Variants in CNBD1 observed in about 807,000 individuals in gnomAD.
CNBD1 encodes cyclic nucleotide binding domain containing 1.
In CNBD1, 71 loss-of-function variants were observed where a neutral mutation model predicts 54.4. The ratio of observed to expected loss-of-function variants is 1.30; its 90% CI spans 1.08 to 1.59. The LOEUF is 1.59. CNBD1 is among the 40% of genes most tolerant of loss of function. CNBD1 has a pLI of 0.00. For missense variants in CNBD1, 659 were observed against 518.0 expected, an observed-to-expected ratio of 1.27 and a Z score of -2.64; for synonymous variants, 182 against 170.7, an observed-to-expected ratio of 1.07 and a Z score of -0.51.
chr8:87,141,367 T>C (rs1812366057), intron 4 of CNBD1, among the ~76,000 whole-genome samples: 1 of 152,160 alleles, frequency 6.6e-6, no homozygotes, highest in Non-Finnish European at 1.5e-5. Context: ...GAAGAGACTG[T>C]GTAAACATAT....
At chr8:87,082,187 C>G (rs7813698) in intron 4 of CNBD1, among the ~76,000 whole-genome samples, 1,915 of 152,192 alleles carry the variant, frequency 0.013, 35 homozygotes, top group African/African-American at 0.039. Flanking sequence ...ATCAATCGAC[C>G]TTGTGACATT....
At chr8:87,364,789 A>G (rs954275978) in intron 10 of CNBD1, among the ~76,000 whole-genome samples, 1 of 152,038 alleles carries the variant, frequency 6.6e-6, no homozygotes, top group African/African-American at 2.4e-5. Flanking sequence ...AATGTCCCCC[A>G]GTTCCATCCA....
chr8:87,271,578 G>A (rs1278730536), intron 6 of CNBD1, among the ~76,000 whole-genome samples: 1 of 151,768 alleles, frequency 6.6e-6, no homozygotes, highest in Non-Finnish European at 1.5e-5. Flanking sequence ...TGTTAGAATG[G>A]CTTTTATAAA....
At chr8:87,228,054 T>C (rs1353027477) in intron 5 of CNBD1, among the ~76,000 whole-genome samples, 1 of 151,968 alleles carries the variant, frequency 6.6e-6, no homozygotes, top group Non-Finnish European at 1.5e-5. Context: ...GCTTCTGCAT[T>C]CTTCCCGTAG....
At chr8:86,933,734 T>C (rs1809497628) in intron 3 of CNBD1, among the ~76,000 whole-genome samples, 1 of 152,142 alleles carries the variant, frequency 6.6e-6, no homozygotes, top group African/African-American at 2.4e-5. Context: ...TGTTACTCTT[T>C]AACTTGCAAT....
intron 4 of CNBD1, among the ~76,000 whole-genome samples, chr8:87,158,627 C>T (rs1445841568): frequency 6.6e-6 from 1 of 152,078 alleles, no homozygotes; most frequent in Non-Finnish European, 1.5e-5. Flanking sequence ...GCAGTAGATA[C>T]CCCTCTGAGC....
At chr8:87,414,482 C>T (rs1041407289) in intron 2 of CNBD1, among the ~76,000 whole-genome samples, 2 of 151,910 alleles carry the variant, frequency 1.3e-5, no homozygotes, top group East Asian at 3.9e-4. Flanking sequence ...TGTAACAAAC[C>T]TGCACATTGT....
chr8:87,011,710 T>A (rs1809226879), intron 4 of CNBD1, among the ~76,000 whole-genome samples: 1 of 152,162 alleles, frequency 6.6e-6, no homozygotes, highest in Admixed American at 6.5e-5. Context: ...ATTTTCTTCT[T>A]TTCTACTTTA....
At chr8:86,954,911 G>A (rs963073488) in intron 4 of CNBD1, among the ~76,000 whole-genome samples, 1 of 152,018 alleles carries the variant, frequency 6.6e-6, no homozygotes, top group African/African-American at 2.4e-5. Flanking sequence ...GTATATATGT[G>A]CCATGTTGGT....
chr8:87,064,421 G>C (rs1251537959), intron 4 of CNBD1, among the ~76,000 whole-genome samples: 1 of 151,838 alleles, frequency 6.6e-6, no homozygotes, highest in African/African-American at 2.4e-5. Context: ...AATGCGAATT[G>C]ATACTTTTAT....
intron 4 of CNBD1, among the ~76,000 whole-genome samples, chr8:87,028,557 G>T (rs1418929217): frequency 6.6e-6 from 1 of 152,186 alleles, no homozygotes; most frequent in African/African-American, 2.4e-5. Flanking sequence ...GAAGAAAGGA[G>T]AACAGTCTCA....
At chr8:87,222,290 A>C (rs1375962884) in intron 5 of CNBD1, among the ~76,000 whole-genome samples, 1 of 151,826 alleles carries the variant, frequency 6.6e-6, no homozygotes. Flanking sequence ...TCATTAATTA[A>C]GCTTTCATTT....
intron 6 of CNBD1, among the ~76,000 whole-genome samples, chr8:87,249,353 C>T (rs1322284021): frequency 6.6e-6 from 1 of 152,120 alleles, no homozygotes; most frequent in African/African-American, 2.4e-5. Context: ...GCTTTTCCTG[C>T]TTGCCCATTG....
chr8:87,228,711 C>T (rs1486023384), intron 5 of CNBD1, among the ~76,000 whole-genome samples: 1 of 151,782 alleles, frequency 6.6e-6, no homozygotes, highest in Non-Finnish European at 1.5e-5. Flanking sequence ...TGTGCCCTGC[C>T]CCCAGAGGTG....
chr8:87,107,897 A>G (rs1212791665), intron 4 of CNBD1, among the ~76,000 whole-genome samples: 1 of 152,178 alleles, frequency 6.6e-6, no homozygotes, highest in Non-Finnish European at 1.5e-5. Flanking sequence ...GAATTCCCTT[A>G]AAGTCTACCT....
At chr8:86,868,963 T>A (rs921815413) in intron 1 of CNBD1, among the ~76,000 whole-genome samples, 1 of 148,542 alleles carries the variant, frequency 6.7e-6, no homozygotes. Context: ...CAGAATGATA[T>A]GTGAGAAAGA....
At chr8:86,871,324 A>G (rs1453705320) in intron 1 of CNBD1, among the ~76,000 whole-genome samples, 2 of 152,296 alleles carry the variant, frequency 1.3e-5, no homozygotes, top group African/African-American at 4.8e-5. Context: ...CATGTTACCA[A>G]TCCTTCAGAC....
intron 6 of CNBD1, among the ~76,000 whole-genome samples, chr8:87,261,318 C>T: frequency 6.6e-6 from 1 of 152,056 alleles, no homozygotes; most frequent in East Asian, 1.9e-4. Flanking sequence ...CTGCAGGTAC[C>T]TTGCGGGTTC....
At chr8:87,036,620 G>C (rs74484594) in intron 4 of CNBD1, among the ~76,000 whole-genome samples, 50 of 98,892 alleles carry the variant, frequency 5.1e-4, no homozygotes, top group African/African-American at 1.7e-3. Flanking sequence ...AAAAAAAAAA[G>C]ATTGGTCACA....
Sources: allele counts gnomAD v4.1 joint callset (sites outside exome capture counted in the v4.1 genomes callset), GRCh38; gene constraint gnomAD v4.1.1; transcripts MANE v1.5; gene names NCBI Gene and HGNC (gene_info 2026-07-23, HGNC 2026-07-21).